Variants in GARIN1A observed in about 807,000 individuals in gnomAD.
GARIN1A encodes Golgi-associated RAB2 interactor protein 1A.
the GARIN1A span, chr7:128,683,168 C>T: frequency 1.3e-6 from 2 of 1,596,496 alleles, no homozygotes; most frequent in East Asian, 2.2e-5. Context: ...GACACCTAGG[C>T]AAAACATGCT....
chr7:128,702,145 C>G, the GARIN1A span, among the ~76,000 whole-genome samples: 2 of 152,072 alleles, frequency 1.3e-5, no homozygotes, highest in East Asian at 3.8e-4. Flanking sequence ...CAGACCAGCT[C>G]TACAAGAAAT....
chr7:128,681,703 A>G, the GARIN1A span, among the ~76,000 whole-genome samples: 2 of 151,592 alleles, frequency 1.3e-5, no homozygotes, highest in Admixed American at 6.6e-5. Flanking sequence ...AGGTCTTGCT[A>G]TGTTGCCCAG....
chr7:128,678,079 G>A, the GARIN1A span: 1 of 227,624 alleles, frequency 4.4e-6, no homozygotes, highest in African/African-American at 2.7e-5. Context: ...GGAGTGCAAT[G>A]GCGCGATCTC....
the GARIN1A span, chr7:128,708,985 C>T: frequency 6.6e-6 from 1 of 152,302 alleles, no homozygotes; most frequent in Non-Finnish European, 1.5e-5. Flanking sequence ...GAATTCCGAC[C>T]AATGGGATGT....
the GARIN1A span, among the ~76,000 whole-genome samples, chr7:128,706,732 T>A: frequency 6.6e-6 from 1 of 152,158 alleles, no homozygotes; most frequent in Non-Finnish European, 1.5e-5. Context: ...GAGCAAGCCC[T>A]CTGTCTTTGA....
the GARIN1A span, among the ~76,000 whole-genome samples, chr7:128,705,091 A>G: frequency 6.6e-6 from 1 of 152,160 alleles, no homozygotes; most frequent in Non-Finnish European, 1.5e-5. Context: ...TTGTTGCTGA[A>G]TGGTATTCCA....
chr7:128,679,591 G>A, the GARIN1A span, among the ~76,000 whole-genome samples: 2 of 152,092 alleles, frequency 1.3e-5, no homozygotes, highest in Non-Finnish European at 2.9e-5. Context: ...TTTAGGGTAC[G>A]TCTTTGATAC....
the GARIN1A span, chr7:128,683,155 C>G: frequency 1.2e-6 from 2 of 1,605,310 alleles, no homozygotes; most frequent in Non-Finnish European, 1.7e-6. Flanking sequence ...TTCTTGGGAG[C>G]CTGACACCTA....
At chr7:128,706,754 A>T in the GARIN1A span, among the ~76,000 whole-genome samples, 1 of 152,114 alleles carries the variant, frequency 6.6e-6, no homozygotes, top group Admixed American at 6.5e-5. Flanking sequence ...AAGTTCTCTG[A>T]TCTGCCTCAT....
At chr7:128,681,642 C>T in the GARIN1A span, among the ~76,000 whole-genome samples, 27,013 of 151,578 alleles carry the variant, frequency 0.18, 2,544 homozygotes, top group Middle Eastern at 0.27. Flanking sequence ...ACTGGGGCTA[C>T]AGGCATGCAC....
chr7:128,676,999 C>A, the GARIN1A span, among the ~76,000 whole-genome samples: 1 of 151,742 alleles, frequency 6.6e-6, no homozygotes, highest in African/African-American at 2.4e-5. Flanking sequence ...ATAGGGAGAT[C>A]CTGTTACTAC....
the GARIN1A span, among the ~76,000 whole-genome samples, chr7:128,696,086 C>T: frequency 1.4e-5 from 2 of 145,706 alleles, no homozygotes; most frequent in African/African-American, 5.1e-5. Flanking sequence ...AATCATGGCT[C>T]ACTGCAGTCT....
At chr7:128,702,279 T>A in the GARIN1A span, among the ~76,000 whole-genome samples, 467 of 152,316 alleles carry the variant, frequency 3.1e-3, 2 homozygotes, top group African/African-American at 0.01. Flanking sequence ...TTTAAAAAAA[T>A]TTTAGTTTCT....
the GARIN1A span, chr7:128,680,207 C>A: frequency 2.2e-6 from 2 of 929,044 alleles, no homozygotes; most frequent in Non-Finnish European, 3.3e-6. Flanking sequence ...GTCATGGGGT[C>A]AACGAACCTA....
chr7:128,696,268 C>T, the GARIN1A span, among the ~76,000 whole-genome samples: 6 of 152,114 alleles, frequency 3.9e-5, no homozygotes, highest in Admixed American at 6.6e-5. Context: ...ATCCTCCTGC[C>T]TCAGCCTCCC....
the GARIN1A span, among the ~76,000 whole-genome samples, chr7:128,707,457 A>G: frequency 6.6e-6 from 1 of 151,858 alleles, no homozygotes; most frequent in Non-Finnish European, 1.5e-5. Context: ...CTCTGCTTCT[A>G]TGAGTTTGAC....
chr7:128,675,737 C>G, the GARIN1A span: 473,310 of 1,613,096 alleles, frequency 0.29, 71,628 homozygotes, highest in East Asian at 0.5. Flanking sequence ...TCCTCGGGGT[C>G]ACCTCCTCGG....
the GARIN1A span, among the ~76,000 whole-genome samples, chr7:128,689,032 A>G: frequency 6.6e-6 from 1 of 151,412 alleles, no homozygotes; most frequent in East Asian, 1.9e-4. Context: ...CCAGCTCCTA[A>G]CCTCGAGTGA....
At chr7:128,676,107 C>T in the GARIN1A span, among the ~76,000 whole-genome samples, 2 of 151,328 alleles carry the variant, frequency 1.3e-5, no homozygotes, top group Non-Finnish European at 2.9e-5. Flanking sequence ...GCAAGCCCCG[C>T]CTCCCGGGTT....
Sources: gnomAD v4.1 joint callset for allele counts (sites outside exome capture counted in the v4.1 genomes callset) on GRCh38, gnomAD v4.1.1 for gene constraint, MANE v1.5 for transcripts, NCBI Gene and HGNC (gene_info 2026-07-23, HGNC 2026-07-21) for gene names.